RARB: variants seen among roughly 807,000 people sequenced by gnomAD.
The protein encoded by RARB is HBV-activated protein.
A neutral mutation model predicts 51.9 loss-of-function variants in RARB; 17 were observed. That is an observed-to-expected ratio of 0.33 (90% CI 0.22 to 0.49). The LOEUF is 0.49. Among genes scored for constraint, RARB ranks in the 20% least tolerant of loss-of-function variants. RARB has a pLI of 0.99. For synonymous variants in RARB, 215 were observed against 195.4 expected (o/e 1.10, Z -0.84); for missense variants, 369 against 550.8 (o/e 0.67, Z 3.30).
chr3:24,890,466 A>G (rs1703356721), intron 2 of RARB, among the ~76,000 whole-genome samples: 1 of 152,156 alleles, frequency 6.6e-6, no homozygotes, highest in South Asian at 2.1e-4. Flanking sequence ...ATGACTTTGT[A>G]GGTCAGGCAT....
intron 3 of RARB, among the ~76,000 whole-genome samples, chr3:25,510,858 A>T (rs1219992073): frequency 6.6e-6 from 1 of 152,208 alleles, no homozygotes; most frequent in African/African-American, 2.4e-5. Flanking sequence ...AGCCTTAATT[A>T]ATATTTCTTG....
At chr3:25,267,461 A>G (rs898166775) in intron 5 of RARB, among the ~76,000 whole-genome samples, 2 of 152,088 alleles carry the variant, frequency 1.3e-5, no homozygotes, top group Non-Finnish European at 2.9e-5. Flanking sequence ...TGAAGTCTCT[A>G]TTTTTTAGTC....
chr3:25,137,225 A>C (rs920298270), intron 4 of RARB, among the ~76,000 whole-genome samples: 1 of 152,100 alleles, frequency 6.6e-6, no homozygotes, highest in African/African-American at 2.4e-5. Context: ...CAAAGAAAAA[A>C]ACTTTAAGAA....
intron 2 of RARB, among the ~76,000 whole-genome samples, chr3:24,876,785 C>T (rs111358735): frequency 8.7e-4 from 132 of 152,172 alleles, no homozygotes; most frequent in East Asian, 6.8e-3. Flanking sequence ...AATTTTCTTA[C>T]GTATGGAAAC....
chr3:25,519,544 TA>T lies in RARB; in HGVS notation c.448+18227del, dbSNP rs1322201442. ...GATGTTCCATTTCTTTTTAATTTAA[TA>T]AAAAATTTATTAAGTTAGAAAGTAT... On this transcript the variant is annotated intron_variant, in intron 3 of 7. Transcript: ENST00000330688. 3.9e-5 allele frequency among the ~76,000 whole-genome samples: 6 copies of T among 152,268 alleles called. No homozygotes were observed. The South Asian group carries it at 6.2e-4, about 16-fold the overall frequency.
chr3:25,477,251 C>G (rs554780536), intron 2 of RARB, among the ~76,000 whole-genome samples: 2 of 152,276 alleles, frequency 1.3e-5, no homozygotes, highest in South Asian at 2.1e-4. Context: ...GGTGCCTGCC[C>G]CATCTGTCTT....
chr3:25,478,173 TC>T (rs1233185327), intron 2 of RARB, among the ~76,000 whole-genome samples: 1 of 152,146 alleles, frequency 6.6e-6, no homozygotes, highest in Non-Finnish European at 1.5e-5. Flanking sequence ...CCCATAGTGT[TC>T]CTCCTGTCAA....
At chr3:25,204,083 G>T (rs1247039700) in intron 5 of RARB, among the ~76,000 whole-genome samples, 1 of 151,946 alleles carries the variant, frequency 6.6e-6, no homozygotes, top group African/African-American at 2.4e-5. Context: ...ATGTAGATTT[G>T]GTCTTTTCAC....
rs372975404 is a variant in RARB at position 25,119,659 on chromosome 3, CA to C, written c.-327-12492del. On this transcript the variant is annotated intron_variant, in intron 3 of 11. Transcript: ENST00000383772. ...GTGAAAAAGTGATAAAACAAACAAA[CA>C]AAAAAAAAACAACAACAAAAAAAAC... Among the ~76,000 whole-genome samples, 26 of 134,180 alleles carry C rather than the reference CA, an allele frequency of 1.9e-4. 1 individual carries two copies. Among genetic ancestry groups the C allele is most frequent in the African/African-American group, 4.3e-4 (15 of 34,784 alleles). 88.0% of individuals were successfully genotyped at this position (134,180 alleles called of 152,430 possible). A position where few individuals can be genotyped will look rare whatever the true frequency, so the allele number is the denominator to read the frequency against.
At position 25,239,719 on chromosome 3, in the gene RARB, C is replaced by T. The variant is rs138142845; in HGVS notation, c.178+65144C>T. On this transcript the variant is annotated intron_variant, in intron 5 of 11. Coordinates refer to the RARB transcript ENST00000383772. ...GTTAGCAGAGACTTGAAATATATTT[C>T]GAAATCTAATAGTGTGATGCCTCCC... is the stretch of plus-strand genomic sequence containing the variant. Among the ~76,000 whole-genome samples the T allele has an allele frequency of 2.8e-3, 424 of 152,128 alleles. 3 individuals carry two copies. Among genetic ancestry groups the T allele is most frequent in the African/African-American group, 9.7e-3 (404 of 41,512 alleles).
chr3:25,511,664 T>C (rs951110427), intron 3 of RARB, among the ~76,000 whole-genome samples: 8 of 152,088 alleles, frequency 5.3e-5, no homozygotes, highest in African/African-American at 1.9e-4. Context: ...ATCTTAGGAA[T>C]AGAAGCAGAG....
chr3:25,027,919 G>A (rs958801610), intron 2 of RARB, among the ~76,000 whole-genome samples: 4 of 151,974 alleles, frequency 2.6e-5, no homozygotes, highest in Admixed American at 2.0e-4. Context: ...GAAAAACGAT[G>A]GTTGTGCACA....
At chr3:25,220,387 A>G (rs921783122) in intron 5 of RARB, among the ~76,000 whole-genome samples, 4 of 152,234 alleles carry the variant, frequency 2.6e-5, no homozygotes, top group African/African-American at 7.2e-5. Context: ...TGGAGAAGGC[A>G]TGATATCAAA....
At chr3:24,998,300 C>T (rs757655961) in intron 2 of RARB, among the ~76,000 whole-genome samples, 3 of 145,144 alleles carry the variant, frequency 2.1e-5, no homozygotes, top group Non-Finnish European at 4.5e-5. Context: ...TCTTTGGAGT[C>T]CTCTGCACCC....
chr3:25,099,388 A>G (rs571042807), intron 3 of RARB, among the ~76,000 whole-genome samples: 1 of 152,284 alleles, frequency 6.6e-6, no homozygotes, highest in East Asian at 1.9e-4. Flanking sequence ...TTTCAAAGGA[A>G]AAATATTAAT....
At chr3:25,178,549 G>T (rs1276554719) in intron 5 of RARB, among the ~76,000 whole-genome samples, 1 of 151,970 alleles carries the variant, frequency 6.6e-6, no homozygotes, top group Non-Finnish European at 1.5e-5. Context: ...CAGAGCGCAT[G>T]CCTTTCCCAG....
chr3:25,047,632 A>G (rs1698243788), intron 2 of RARB, among the ~76,000 whole-genome samples: 1 of 152,198 alleles, frequency 6.6e-6, no homozygotes, highest in Non-Finnish European at 1.5e-5. Flanking sequence ...AGCCTATGCT[A>G]AGTGCTCTCT....
At chr3:24,897,447 T>C (rs1703501376) in intron 2 of RARB, among the ~76,000 whole-genome samples, 1 of 152,190 alleles carries the variant, frequency 6.6e-6, no homozygotes, top group South Asian at 2.1e-4. Context: ...GACTGAAATA[T>C]CTCACCTCTA....
chr3:25,230,765 C>G (rs375399601), intron 5 of RARB, among the ~76,000 whole-genome samples: 1 of 152,018 alleles, frequency 6.6e-6, no homozygotes, highest in Admixed American at 6.6e-5. Flanking sequence ...TGTCTTTAGA[C>G]TTCACTGTTA....
Sources: gnomAD v4.1 joint callset for allele counts (sites outside exome capture counted in the v4.1 genomes callset) on GRCh38, gnomAD v4.1.1 for gene constraint, MANE v1.5 for transcripts, NCBI Gene and HGNC (gene_info 2026-07-23, HGNC 2026-07-21) for gene names.